RRAS2: variants seen among roughly 807,000 people sequenced by gnomAD.
The protein encoded by RRAS2 is ras-related protein R-Ras2.
Under a neutral mutation model 27.6 loss-of-function variants are expected in RRAS2, and 7 were observed. The observed-to-expected ratio is 0.25, with a 90% CI of 0.14 to 0.48. RRAS2 has a LOEUF of 0.48. RRAS2 is among the 20% of genes least tolerant of loss of function. The probability of loss-of-function intolerance (pLI) is 0.99; values close to 1 mark genes in which losing one functional copy is unlikely to be tolerated. For synonymous variants in RRAS2, 86 were observed against 90.9 expected, an observed-to-expected ratio of 0.95 and a Z score of 0.31; for missense variants, 178 against 256.2, an observed-to-expected ratio of 0.69 and a Z score of 2.08.
intron 1 of RRAS2, 148 bp from the exon 2 acceptor site, chr11:14,296,003 A>C (rs1847538398): frequency 5.6e-6 from 3 of 540,160 alleles, no homozygotes; most frequent in South Asian, 5.9e-5. Context: ...CAAGACTCTT[A>C]TCTCTTAAAA....
chr11:14,294,679 A>G (rs1431634682), intron 3 of RRAS2, 81 bp downstream of exon 3: 71 of 1,508,722 alleles, frequency 4.7e-5, no homozygotes, highest in Non-Finnish European at 6.3e-5. Context: ...TCCTTTTTCT[A>G]TAAAAACAAA....
At chr11:14,325,487 G>C (rs1848333744) in intron 1 of RRAS2, among the ~76,000 whole-genome samples, 1 of 152,084 alleles carries the variant, frequency 6.6e-6, no homozygotes, top group Non-Finnish European at 1.5e-5. Flanking sequence ...TTTTAGCAGA[G>C]AGGGGGTTTC....
rs1849136214 is a variant in RRAS2 at position 14,358,683 on chromosome 11, G to C, written c.108+80C>G. 8 of 1,037,282 alleles carry C rather than the reference G, an allele frequency of 7.7e-6. No homozygotes were observed. Among genetic ancestry groups the C allele is most frequent in the Non-Finnish European group, 9.3e-6 (8 of 863,374 alleles). The allele number at this position is 1,037,282 out of a possible 1,614,324, so 64.3% of individuals were successfully genotyped here. ...CGCGAGGCGCCTCTGGGGCGAGGTCGCGGCGGCCGCCCCGCCACAGGTAGC... is the reference window on the plus strand; with the variant it reads ...CGCGAGGCGCCTCTGGGGCGAGGTCCCGGCGGCCGCCCCGCCACAGGTAGC... On this transcript the variant is annotated intron_variant, in intron 1 of 5. Transcript: ENST00000256196. The surrounding 1 kb of genome is among the most constrained non-coding windows in gnomAD (Gnocchi z 5.1).
intron 1 of RRAS2, among the ~76,000 whole-genome samples, chr11:14,328,989 G>A (rs1051958808): frequency 5.8e-5 from 3 of 51,750 alleles, no homozygotes; most frequent in African/African-American, 1.5e-4. Flanking sequence ...ATATATATGT[G>A]TGTGTGTGTG....
In RRAS2 at chr11:14,358,208, G is replaced by A. The variant is rs1257337192; in HGVS notation, c.108+555C>T. 49 of 984,752 alleles carry A rather than the reference G, an allele frequency of 5.0e-5. No individual in the cohort carries two copies. Among genetic ancestry groups the A allele is most frequent in the Admixed American group, 6.1e-5 (1 of 16,272 alleles). The allele number at this position is 984,752 out of a possible 1,614,324, so 61.0% of individuals were successfully genotyped here. ...TCCCACCCGGACATATTACCTAAGA[G>A]AGTACTTATAAAAAGAGCGTAACAC... On this transcript the variant is annotated intron_variant, in intron 1 of 5. Transcript: ENST00000256196. This position sits in a 1 kb window ranked among gnomAD's most constrained non-coding sequence, Gnocchi z 5.1.
At chr11:14,312,683 AGTGTTGGGAT>A (rs1263433901) in intron 1 of RRAS2, among the ~76,000 whole-genome samples, 1 of 152,078 alleles carries the variant, frequency 6.6e-6, no homozygotes, top group Non-Finnish European at 1.5e-5. Flanking sequence ...GGACTCCCAA[AGTGTTGGGAT>A]TACAGGTGTG....
intron 4 of RRAS2, among the ~76,000 whole-genome samples, chr11:14,293,126 T>TG (rs1847454813): frequency 2.5e-5 from 1 of 39,938 alleles, no homozygotes; most frequent in Non-Finnish European, 6.4e-5. Flanking sequence ...ACAAAACAAA[T>TG]ATATATATAT....
At chr11:14,301,371 G>C (rs1847699049) in intron 1 of RRAS2, among the ~76,000 whole-genome samples, 1 of 152,080 alleles carries the variant, frequency 6.6e-6, no homozygotes, top group East Asian at 1.9e-4. Flanking sequence ...TCATGTAGAA[G>C]GCTGATGTTT....
At chr11:14,347,603 TG>T (rs1848863918) in intron 1 of RRAS2, among the ~76,000 whole-genome samples, 2 of 152,116 alleles carry the variant, frequency 1.3e-5, no homozygotes. Context: ...GAGGATCACT[TG>T]AGGCCAGAAG....
chr11:14,300,686 C>T (rs1554947259), intron 1 of RRAS2, among the ~76,000 whole-genome samples: 1 of 152,086 alleles, frequency 6.6e-6, no homozygotes, highest in East Asian at 1.9e-4. Context: ...TGCTTACATG[C>T]CACTAGATTG....
chr11:14,342,029 C>T (rs1282763053), intron 1 of RRAS2: 14 of 738,432 alleles, frequency 1.9e-5, no homozygotes, highest in Non-Finnish European at 2.5e-5. Flanking sequence ...CAGCTCTATA[C>T]TAGCTTTTAT....
intron 1 of RRAS2, among the ~76,000 whole-genome samples, chr11:14,325,877 ACT>A (rs1314934632): frequency 6.6e-6 from 1 of 152,030 alleles, no homozygotes; most frequent in African/African-American, 2.4e-5. Context: ...ATTTGTAAAA[ACT>A]CTAAGTATTA....
At chr11:14,283,528 T>C (rs555202499) in intron 4 of RRAS2, among the ~76,000 whole-genome samples, 9 of 152,208 alleles carry the variant, frequency 5.9e-5, no homozygotes, top group Non-Finnish European at 1.0e-4. Flanking sequence ...GGCAAATCTA[T>C]CTGGGCTTGA....
intron 1 of RRAS2, among the ~76,000 whole-genome samples, chr11:14,334,433 G>T (rs1158565245): frequency 2.0e-5 from 3 of 151,722 alleles, no homozygotes; most frequent in African/African-American, 4.8e-5. Flanking sequence ...TCTTGTTGTT[G>T]ATCATATCCA....
At chr11:14,348,938 G>C (rs1442348278) in intron 1 of RRAS2, among the ~76,000 whole-genome samples, 2 of 152,124 alleles carry the variant, frequency 1.3e-5, no homozygotes, top group African/African-American at 4.8e-5. Context: ...TCCATAATGA[G>C]ATCTATTTCT....
At chr11:14,320,188 T>C (rs1448038469) in intron 1 of RRAS2, among the ~76,000 whole-genome samples, 3 of 152,168 alleles carry the variant, frequency 2.0e-5, no homozygotes, top group African/African-American at 7.2e-5. Flanking sequence ...GTCTGCAAAG[T>C]TCTAATGCAC....
At chr11:14,332,635 A>G (rs1323185541) in intron 1 of RRAS2, among the ~76,000 whole-genome samples, 7 of 152,246 alleles carry the variant, frequency 4.6e-5, no homozygotes, top group Admixed American at 6.5e-5. Context: ...TCTATTATAT[A>G]AAGTCTAGAA....
At chr11:14,285,657 A>G (rs1186962013) in intron 4 of RRAS2, among the ~76,000 whole-genome samples, 6 of 152,122 alleles carry the variant, frequency 3.9e-5, no homozygotes, top group East Asian at 3.8e-4. Context: ...CATGTCTGGG[A>G]AAAGTCTTTA....
intron 1 of RRAS2, among the ~76,000 whole-genome samples, chr11:14,353,022 C>T (rs1554954995): frequency 6.6e-6 from 1 of 151,984 alleles, no homozygotes; most frequent in African/African-American, 2.4e-5. Context: ...TGGTCTCAAA[C>T]TCCTGACTTC....
Sources: allele counts gnomAD v4.1 joint callset (sites outside exome capture counted in the v4.1 genomes callset), GRCh38; gene constraint gnomAD v4.1.1; non-coding constraint Gnocchi (gnomAD v3.1); transcripts MANE v1.5; gene names NCBI Gene and HGNC (gene_info 2026-07-23, HGNC 2026-07-21).